TBC1D19: variants seen among roughly 807,000 people sequenced by gnomAD.
TBC1D19 encodes the protein TBC1 domain family member 19.
TBC1D19 carries 60 observed loss-of-function variants against 89.0 expected under a neutral mutation model. The observed-to-expected ratio is 0.67, with a 90% CI of 0.55 to 0.84. The LOEUF (loss-of-function observed/expected upper bound fraction) is 0.84. Among genes scored for constraint, TBC1D19 ranks in the 40% least tolerant of loss-of-function variants. TBC1D19 has a pLI of 0.00. For missense variants in TBC1D19, 500 were observed against 610.8 expected, an observed-to-expected ratio of 0.82 and a Z score of 1.91; for synonymous variants, 189 against 199.7, an observed-to-expected ratio of 0.95 and a Z score of 0.45.
chr4:26,634,066 A>G (rs1436924711), intron 4 of TBC1D19, among the ~76,000 whole-genome samples: 1 of 148,624 alleles, frequency 6.7e-6, no homozygotes. Context: ...TAGATAAAAG[A>G]GTATTTTGCA....
the TBC1D19 span, among the ~76,000 whole-genome samples, chr4:26,817,981 A>AT: frequency 0.015 from 1,919 of 125,970 alleles, 43 homozygotes; most frequent in East Asian, 0.094. Context: ...AAAAAAAAAA[A>AT]ATATATATAT....
chr4:26,826,949 C>T, the TBC1D19 span, among the ~76,000 whole-genome samples: 15 of 152,130 alleles, frequency 9.9e-5, no homozygotes, highest in Admixed American at 4.6e-4. Flanking sequence ...AGATATGAGG[C>T]GAGGCAAGTC....
the TBC1D19 span, among the ~76,000 whole-genome samples, chr4:26,821,105 T>C: frequency 1.9e-4 from 29 of 152,362 alleles, no homozygotes; most frequent in African/African-American, 6.7e-4. Context: ...CAATCAAGCA[T>C]GCACATGAAG....
At chr4:26,740,875 C>G in intron 17 of TBC1D19, 2 of 985,378 alleles carry the variant, frequency 2.0e-6, no homozygotes, top group Non-Finnish European at 2.4e-6. Context: ...CCTCCATCTC[C>G]AGTTTTGCTT....
At chr4:26,595,700 A>T (rs1400873595) in intron 1 of TBC1D19, among the ~76,000 whole-genome samples, 2 of 143,978 alleles carry the variant, frequency 1.4e-5, no homozygotes, top group Non-Finnish European at 3.0e-5. Flanking sequence ...TTCCAGTACC[A>T]TTTCCTGAAA....
the TBC1D19 span, among the ~76,000 whole-genome samples, chr4:26,772,236 A>G: frequency 9.9e-5 from 15 of 151,012 alleles, no homozygotes; most frequent in Admixed American, 2.0e-4. Context: ...AGATCCTACT[A>G]TAGGCAATTA....
At position 26,658,440 on chromosome 4, in the gene TBC1D19, G is replaced by A. The variant is rs1745013256; in HGVS notation, c.481-1157G>A. On this transcript the variant is annotated intron_variant, in intron 7 of 20. Transcript: ENST00000264866. ...TGGTGGCCTCTGTTCTGTTCCATTG[G>A]CCTATATATCTGTTTTTATACCAGT... 2.0e-5 allele frequency among the ~76,000 whole-genome samples: 3 copies of A among 152,056 alleles called. No homozygotes were observed. The South Asian group carries it at 6.2e-4, about 32-fold the overall frequency.
the TBC1D19 span, among the ~76,000 whole-genome samples, chr4:26,779,943 C>T: frequency 6.6e-6 from 1 of 152,148 alleles, no homozygotes; most frequent in African/African-American, 2.4e-5. Flanking sequence ...TGACTCATCC[C>T]CTGGCCTGTG....
At chr4:26,829,413 A>G in the TBC1D19 span, among the ~76,000 whole-genome samples, 3 of 152,154 alleles carry the variant, frequency 2.0e-5, no homozygotes, top group African/African-American at 7.2e-5. Context: ...AACATCCCCA[A>G]AGGGCTAGAA....
the TBC1D19 span, among the ~76,000 whole-genome samples, chr4:26,764,722 A>G: frequency 4.6e-5 from 7 of 152,320 alleles, no homozygotes; most frequent in East Asian, 9.6e-4. Context: ...AACCTAGAAA[A>G]GAAGAGAAAT....
At chr4:26,636,378 A>G (rs115206652) in intron 4 of TBC1D19, among the ~76,000 whole-genome samples, 1 of 152,086 alleles carries the variant, frequency 6.6e-6, no homozygotes, top group African/African-American at 2.4e-5. Flanking sequence ...TAAGAAATAG[A>G]AGAGATAATG....
At chr4:26,815,017 G>T in the TBC1D19 span, among the ~76,000 whole-genome samples, 1 of 146,952 alleles carries the variant, frequency 6.8e-6, no homozygotes, top group Non-Finnish European at 1.5e-5. Flanking sequence ...GTGAGACCTT[G>T]TCTCAAAAAA....
chr4:26,722,711 G>C (rs548022422), intron 15 of TBC1D19, among the ~76,000 whole-genome samples: 25 of 152,278 alleles, frequency 1.6e-4, no homozygotes, highest in African/African-American at 5.8e-4. Flanking sequence ...AATTGTAACA[G>C]TATAGTTATA....
intron 13 of TBC1D19, among the ~76,000 whole-genome samples, chr4:26,708,315 C>G (rs1313802380): frequency 6.6e-6 from 1 of 151,976 alleles, no homozygotes; most frequent in East Asian, 1.9e-4. Flanking sequence ...CCTCAAGTTT[C>G]TGATGAGAAA....
At chr4:26,796,067 C>T in the TBC1D19 span, among the ~76,000 whole-genome samples, 1 of 152,142 alleles carries the variant, frequency 6.6e-6, no homozygotes, top group Non-Finnish European at 1.5e-5. Context: ...ACAAAAAGAG[C>T]TTTCTTGTCC....
chr4:26,626,019 G>A (rs1461195969), intron 4 of TBC1D19, among the ~76,000 whole-genome samples: 1 of 152,108 alleles, frequency 6.6e-6, no homozygotes, highest in African/African-American at 2.4e-5. Flanking sequence ...ACCTCTTTGA[G>A]GGAGGGGTAT....
At chr4:26,595,834 A>G (rs773278693) in intron 1 of TBC1D19, among the ~76,000 whole-genome samples, 3 of 152,186 alleles carry the variant, frequency 2.0e-5, no homozygotes, top group Non-Finnish European at 2.9e-5. Flanking sequence ...TCTTTCACCA[A>G]TACCACACTG....
chr4:26,673,921 G>A, intron 11 of TBC1D19, 33 bp downstream of exon 11: 1 of 1,312,104 alleles, frequency 7.6e-7, no homozygotes, highest in Non-Finnish European at 1.1e-6. Context: ...TCAGATTTTA[G>A]CTTTGGGGTA....
At chr4:26,791,138 C>T in the TBC1D19 span, among the ~76,000 whole-genome samples, 2 of 152,158 alleles carry the variant, frequency 1.3e-5, no homozygotes, top group Non-Finnish European at 2.9e-5. Context: ...CTCTAAAACT[C>T]TTTGTCACCA....
Sources: gnomAD v4.1 joint callset for allele counts (sites outside exome capture counted in the v4.1 genomes callset) on GRCh38, gnomAD v4.1.1 for gene constraint, MANE v1.5 for transcripts, NCBI Gene and HGNC (gene_info 2026-07-23, HGNC 2026-07-21) for gene names.